Variants in TAOK3 observed in about 807,000 individuals in gnomAD.
The protein encoded by TAOK3 is serine/threonine-protein kinase TAO3.
A neutral mutation model predicts 120.4 loss-of-function variants in TAOK3; 40 were observed. The ratio of observed to expected loss-of-function variants is 0.33; its 90% confidence interval spans 0.26 to 0.43. The LOEUF (loss-of-function observed/expected upper bound fraction) is 0.43. TAOK3 is among the 20% of genes least tolerant of loss of function. The probability of loss-of-function intolerance (pLI) is 1.00; values close to 1 mark genes in which losing one functional copy is unlikely to be tolerated. For synonymous variants in TAOK3, 355 were observed against 387.5 expected (o/e 0.92, Z 0.99); for missense variants, 821 against 1,112.1 (o/e 0.74, Z 3.72).
At chr12:118,294,529 G>A (rs1040257987) in intron 1 of TAOK3, among the ~76,000 whole-genome samples, 3 of 151,972 alleles carry the variant, frequency 2.0e-5, no homozygotes, top group African/African-American at 7.3e-5. Flanking sequence ...GACTACAGGT[G>A]TGCACCACCA....
At chr12:118,300,870 G>A (rs1362924873) in intron 1 of TAOK3, among the ~76,000 whole-genome samples, 3 of 151,986 alleles carry the variant, frequency 2.0e-5, no homozygotes, top group African/African-American at 7.3e-5. Flanking sequence ...CTGCCTCCTG[G>A]GTTCAAGCGA....
chr12:118,344,293 G>A (rs1165654436), intron 1 of TAOK3, among the ~76,000 whole-genome samples: 2 of 151,078 alleles, frequency 1.3e-5, no homozygotes, highest in South Asian at 2.1e-4. Context: ...ATGTGTCATA[G>A]TAAATACATT....
At chr12:118,278,650 G>T (rs761713567) in intron 1 of TAOK3, among the ~76,000 whole-genome samples, 14 of 152,062 alleles carry the variant, frequency 9.2e-5, no homozygotes, top group Non-Finnish European at 1.5e-4. Flanking sequence ...ATTCCTTTAG[G>T]TAAATAACCA....
At chr12:118,167,482 C>T (rs543481739) in intron 17 of TAOK3, among the ~76,000 whole-genome samples, 7 of 151,570 alleles carry the variant, frequency 4.6e-5, no homozygotes, top group African/African-American at 1.2e-4. Context: ...AAATGTCCAC[C>T]GAGAAGTGTC....
chr12:118,184,772 C>A (rs1313253452), intron 14 of TAOK3, among the ~76,000 whole-genome samples: 1 of 152,208 alleles, frequency 6.6e-6, no homozygotes, highest in South Asian at 2.1e-4. Context: ...GGCAGTACCA[C>A]CTTGCTCTAC....
At chr12:118,208,749 T>C (rs765238308) in intron 11 of TAOK3, among the ~76,000 whole-genome samples, 47 of 152,202 alleles carry the variant, frequency 3.1e-4, no homozygotes, top group South Asian at 6.2e-4. Context: ...TCTTGCTCTG[T>C]TGCCCAGGCT....
At chr12:118,333,120 C>T (rs1271736635) in intron 1 of TAOK3, among the ~76,000 whole-genome samples, 1 of 152,104 alleles carries the variant, frequency 6.6e-6, no homozygotes, top group Non-Finnish European at 1.5e-5. Flanking sequence ...TTGAACAGTG[C>T]TATCAACCAA....
At chr12:118,246,158 C>T in intron 3 of TAOK3, 2 of 1,444,060 alleles carry the variant, frequency 1.4e-6, no homozygotes, top group Non-Finnish European at 1.9e-6. Context: ...GCGGTGGCTT[C>T]CGCGGAGGTT....
chr12:118,316,697 G>A (rs1342070500), intron 1 of TAOK3, among the ~76,000 whole-genome samples: 1 of 152,016 alleles, frequency 6.6e-6, no homozygotes, highest in East Asian at 1.9e-4. Context: ...TTACAGGCAT[G>A]AGCCATCGTG....
At chr12:118,198,965 C>T in intron 13 of TAOK3, 86 bp downstream of exon 13, 1 of 1,492,956 alleles carries the variant, frequency 6.7e-7, no homozygotes, top group Non-Finnish European at 9.3e-7. Context: ...AAAAAGGTAA[C>T]TGAAACATCT....
chr12:118,246,159 C>T (rs2040487562), intron 3 of TAOK3: 5 of 1,443,074 alleles, frequency 3.5e-6, no homozygotes, highest in Non-Finnish European at 4.7e-6. Context: ...CGGTGGCTTC[C>T]GCGGAGGTTT....
chr12:118,235,512 T>C lies in TAOK3; in HGVS notation c.551+46A>G, dbSNP rs375529282. ...CAAACCAGCACCATAGTTGAGTTCA[T>C]GTATGCAGATTTTAAAACTATGTCA... On this transcript the variant is annotated intron_variant, in intron 8 of 20. Transcript: ENST00000392533. 1.2e-5 allele frequency: 17 copies of C among 1,451,140 alleles called. No individual in the cohort carries two copies. In the African/African-American group the frequency reaches 1.7e-4, roughly 14 times the overall value. The allele number at this position is 1,451,140 out of a possible 1,614,324, so 89.9% of individuals were successfully genotyped here.
At chr12:118,157,290 G>A (rs2034903093) in intron 19 of TAOK3, among the ~76,000 whole-genome samples, 1 of 152,112 alleles carries the variant, frequency 6.6e-6, no homozygotes, top group African/African-American at 2.4e-5. Context: ...TCACCAGAGT[G>A]ATGGTTCAAA....
chr12:118,279,302 T>C (rs928005587), intron 1 of TAOK3, among the ~76,000 whole-genome samples: 2 of 152,218 alleles, frequency 1.3e-5, no homozygotes, highest in African/African-American at 4.8e-5. Context: ...GACTTCCTTA[T>C]AGATTCTGGA....
At chr12:118,251,528 T>TA (rs924135101) in intron 3 of TAOK3, among the ~76,000 whole-genome samples, 2 of 152,252 alleles carry the variant, frequency 1.3e-5, no homozygotes, top group Admixed American at 1.3e-4. Context: ...ATCATTTCTC[T>TA]AGTCTATCAT....
chr12:118,225,393 TAA>T (rs34791558), intron 9 of TAOK3, among the ~76,000 whole-genome samples: 448 of 141,778 alleles, frequency 3.2e-3, no homozygotes, highest in Admixed American at 4.2e-3. Flanking sequence ...GTCTTGCATG[TAA>T]AAAAAAAAAA....
intron 13 of TAOK3, 192 bp from the exon 14 acceptor site, chr12:118,190,133 C>G (rs1317578501): frequency 3.1e-6 from 2 of 638,264 alleles, no homozygotes; most frequent in Non-Finnish European, 5.2e-6. Context: ...GGAATGTCAG[C>G]TGATCGCTAG....
At chr12:118,216,120 C>A (rs1413749942) in intron 9 of TAOK3, among the ~76,000 whole-genome samples, 1 of 152,058 alleles carries the variant, frequency 6.6e-6, no homozygotes, top group African/African-American at 2.4e-5. Flanking sequence ...ATCACTTGAA[C>A]CCAGGAGGTG....
At chr12:118,205,812 T>C (rs1413021790) in intron 11 of TAOK3, among the ~76,000 whole-genome samples, 1 of 152,108 alleles carries the variant, frequency 6.6e-6, no homozygotes, top group Non-Finnish European at 1.5e-5. Flanking sequence ...GGTTTCACTA[T>C]GTTGGCCAGG....
Sources: allele counts gnomAD v4.1 joint callset (sites outside exome capture counted in the v4.1 genomes callset), GRCh38; gene constraint gnomAD v4.1.1; transcripts MANE v1.5; gene names NCBI Gene and HGNC (gene_info 2026-07-23, HGNC 2026-07-21).